ZKSCAN5: variants seen among roughly 807,000 people sequenced by gnomAD.
ZKSCAN5 encodes the protein zinc finger with KRAB and SCAN domains 5, also known as zinc finger protein with KRAB and SCAN domains 5.
In ZKSCAN5, 28 loss-of-function variants were observed where a neutral mutation model predicts 60.0. That is an observed-to-expected ratio of 0.47 (90% CI 0.35 to 0.64). The LOEUF (loss-of-function observed/expected upper bound fraction) is 0.64, where lower values mean the gene tolerates loss of function less well. Among genes scored for constraint, ZKSCAN5 ranks in the 30% least tolerant of loss-of-function variants. The pLI is 0.01. For missense variants in ZKSCAN5, 881 were observed against 1,034.6 expected, an observed-to-expected ratio of 0.85 and a Z score of 2.04; for synonymous variants, 361 against 371.2, an observed-to-expected ratio of 0.97 and a Z score of 0.31.
chr7:99,520,731 A>G (rs1801499203), intron 5 of ZKSCAN5, among the ~76,000 whole-genome samples: 1 of 152,014 alleles, frequency 6.6e-6, no homozygotes, highest in South Asian at 2.1e-4. Flanking sequence ...CAGGTGTGGT[A>G]GCTCATGCCT....
chr7:99,523,823 TAAATTA>T lies in ZKSCAN5; in HGVS notation c.773-1978_773-1973del, dbSNP rs1383231200. ...AAGGTAAGTAAAAGTAGCTATATGG[TAAATTA>T]AAATTAAAATTGTCTTCATAGTTTA... is the stretch of plus-strand genomic sequence containing the variant. On this transcript the variant is annotated intron_variant, in intron 5 of 6. Coordinates refer to ENST00000326775, the MANE Select transcript of ZKSCAN5 (RefSeq NM_145102.4). 5.3e-5 allele frequency among the ~76,000 whole-genome samples: 8 copies of T among 152,268 alleles called. No individual in the cohort carries two copies. In the South Asian group the frequency reaches 1.0e-3, roughly 20 times the overall value.
intron 6 of ZKSCAN5, among the ~76,000 whole-genome samples, chr7:99,527,168 A>G (rs527498843): frequency 6.6e-6 from 1 of 152,236 alleles, no homozygotes; most frequent in Admixed American, 6.6e-5. Context: ...TGTCTCTACA[A>G]AAAAATTTAA....
Position 99,531,841 on chromosome 7 carries a change from G to T in ZKSCAN5, c.2112G>T (p.Val704=), listed in dbSNP as rs1802062076. ...CEEAYSWNLT[V]IEDKKIELQE... is the part of the protein sequence containing the mutation. ...AAGCATATAGTTGGAACTTGACAGT[G>T]ATTGAAGACAAGAAGATTGAGTTAC... Residue 704 remains valine, a synonymous_variant, in exon 7 of 7, where the codon GTG becomes GTT. Transcript: ENST00000326775. 4 of 1,614,202 alleles carry T rather than the reference G, an allele frequency of 2.5e-6. No individual in the cohort carries two copies. Among genetic ancestry groups the T allele is most frequent in the Non-Finnish European group, 3.4e-6 (4 of 1,180,050 alleles).
In ZKSCAN5 at chr7:99,531,252, G is replaced by T; in HGVS notation, c.1523G>T (p.Gly508Val). 2 of 1,614,122 alleles carry T rather than the reference G, an allele frequency of 1.2e-6. No individual in the cohort carries two copies. The highest frequency in any genetic ancestry group is 1.7e-6 in the Non-Finnish European group (2 of 1,180,028). The stretch of plus-strand genomic sequence containing the variant: ...TTTGGAGAAGGCTGTGAGTTTCAAG[G>T]CAAGCTGGATAGAAAGCAGGGAATT... ...QDFGEGCEFQ[G>V]KLDRKQGIPM... is the part of the protein sequence containing the mutation. Residue 508 changes from glycine to valine, a missense_variant, in exon 7 of 7, where the codon GGC (glycine) becomes GTC (valine). Transcript: ENST00000326775.
At chr7:99,526,649 G>T (rs138153449) in intron 6 of ZKSCAN5, among the ~76,000 whole-genome samples, 1 of 152,150 alleles carries the variant, frequency 6.6e-6, no homozygotes, top group Non-Finnish European at 1.5e-5. Context: ...CTGCCTCCCC[G>T]GTTCAAGCGA....
At chr7:99,529,916 A>C (rs1801965249) in intron 6 of ZKSCAN5, among the ~76,000 whole-genome samples, 1 of 151,380 alleles carries the variant, frequency 6.6e-6, no homozygotes, top group South Asian at 2.1e-4. Flanking sequence ...TTGTATTTTT[A>C]GTAGAGATGG....
chr7:99,518,302 TC>T (rs1801357714), intron 3 of ZKSCAN5, among the ~76,000 whole-genome samples: 1 of 151,776 alleles, frequency 6.6e-6, no homozygotes, highest in South Asian at 2.1e-4. Flanking sequence ...ACACCTGTAA[TC>T]CTAGCTACTC....
chr7:99,528,723 C>T (rs187911759), intron 6 of ZKSCAN5, among the ~76,000 whole-genome samples: 86 of 152,250 alleles, frequency 5.6e-4, no homozygotes, highest in Non-Finnish European at 1.0e-3. Flanking sequence ...CCACCATGCC[C>T]GGTCCTCCCT....
At position 99,531,413 on chromosome 7, in the gene ZKSCAN5, G is replaced by A. The variant is rs777198630; in HGVS notation, c.1684G>A (p.Ala562Thr). Residue 562 changes from alanine to threonine, a missense_variant, in exon 7 of 7, where the codon GCA becomes ACA. Physicochemically the swap from Ala to Thr is moderately conservative, Grantham distance 58 (BLOSUM62 0). Coordinates refer to ENST00000326775, the MANE Select transcript of ZKSCAN5 (RefSeq NM_145102.4). ...GTGTGGGAAAAGCTTCATTCAGAGT[G>A]CACATCTTATTCAACATCAAAGAAT... The part of the protein sequence containing the change: ...NECGKSFIQS[A>T]HLIQHQRIHT... The A allele has an allele frequency of 5.6e-6, 9 of 1,614,192 alleles. No homozygotes were observed. The highest frequency in any genetic ancestry group is 7.6e-6 in the Non-Finnish European group (9 of 1,180,030).
chr7:99,522,256 G>A (rs990775372), intron 5 of ZKSCAN5, among the ~76,000 whole-genome samples: 1 of 152,176 alleles, frequency 6.6e-6, no homozygotes, highest in Non-Finnish European at 1.5e-5. Flanking sequence ...AGATTTGGAA[G>A]TGAGATTTTT....
intron 6 of ZKSCAN5, among the ~76,000 whole-genome samples, chr7:99,527,221 C>G (rs1488818153): frequency 6.6e-6 from 1 of 152,090 alleles, no homozygotes; most frequent in Non-Finnish European, 1.5e-5. Context: ...GTTGCAGCTC[C>G]TCGGAAGGCT....
intron 6 of ZKSCAN5, among the ~76,000 whole-genome samples, chr7:99,530,331 G>C (rs1294317277): frequency 6.6e-6 from 1 of 152,060 alleles, no homozygotes; most frequent in Non-Finnish European, 1.5e-5. Flanking sequence ...CACCACGCCC[G>C]GCCTTTTGAC....
intron 2 of ZKSCAN5, among the ~76,000 whole-genome samples, chr7:99,507,535 ATATATATG>A (rs1253747661): frequency 3.5e-5 from 5 of 143,444 alleles, no homozygotes; most frequent in Admixed American, 1.4e-4. Context: ...ATATGTGTAT[ATATATATG>A]TATATATATG....
In ZKSCAN5 at chr7:99,531,214, T is replaced by C. The variant is rs757740886; in HGVS notation, c.1485T>C (p.Ser495=). ...ELSGKTQRNV[S]QVQDFGEGCE... ...CTGGAAAAACCCAAAGAAATGTTTCTCAAGTTCAAGATTTTGGAGAAGGCT... is the reference window on the plus strand; with the variant it reads ...CTGGAAAAACCCAAAGAAATGTTTCCCAAGTTCAAGATTTTGGAGAAGGCT... The change falls in exon 7 of 7, where the codon TCT becomes TCC. Residue 495 remains serine, a synonymous_variant. Coordinates refer to ENST00000326775, the MANE Select transcript of ZKSCAN5 (RefSeq NM_145102.4). 1.2e-6 allele frequency: 2 copies of C among 1,614,116 alleles called. No individual in the cohort carries two copies. The highest frequency in any genetic ancestry group is 1.7e-5 in the Admixed American group (1 of 60,000).
intron 3 of ZKSCAN5, among the ~76,000 whole-genome samples, chr7:99,514,057 G>T (rs1343680041): frequency 6.6e-6 from 1 of 151,988 alleles, no homozygotes; most frequent in African/African-American, 2.4e-5. Context: ...AAAAAGAAAA[G>T]AATACTGTCA....
In ZKSCAN5 at chr7:99,512,434, T is replaced by C; in HGVS notation, c.415-19T>C. 1.9e-6 allele frequency: 3 copies of C among 1,611,710 alleles called. No individual in the cohort carries two copies. The highest frequency in any genetic ancestry group is 2.5e-6 in the Non-Finnish European group (3 of 1,178,716). ...CCTTCTCTGTAACTGTACTGATCGG[T>C]TTTGGTTGTGGTTGTTAGATTGTTG... On this transcript the variant is annotated intron_variant, in intron 2 of 6. Transcript: ENST00000326775.
In ZKSCAN5 at chr7:99,531,110, A is replaced by T. The variant is rs779269787; in HGVS notation, c.1381A>T (p.Ser461Cys). ...RHFREKSQRC[S>C]DKRSKNTKLS... The stretch of plus-strand genomic sequence containing the variant: ...CACTTGCTCTTTATTTTTTTTAGGC[A>T]GTGACAAAAGAAGTAAGAACACAAA... Residue 461 changes from serine (S) to cysteine (C), a missense_variant and splice_region_variant, in exon 7 of 7, where the codon AGT (serine) becomes TGT (cysteine). Physicochemically the swap from Ser to Cys is moderately radical, Grantham distance 112. Transcript: ENST00000326775. The T allele has an allele frequency of 1.7e-5, 26 of 1,571,362 alleles. No individual in the cohort carries two copies. Among genetic ancestry groups the T allele is most frequent in the Non-Finnish European group, 1.0e-5 (12 of 1,165,258 alleles).
rs1055168736 is a variant in ZKSCAN5 at position 99,525,703 on chromosome 7, AC to A, written c.773-109del. On this transcript the variant is annotated intron_variant, in intron 5 of 6. Coordinates refer to ENST00000326775, the MANE Select transcript of ZKSCAN5 (RefSeq NM_145102.4). Reference sequence around the variant, plus strand: ...ATCCCTGTACTGTAAAAGTCCCTTTACAGAATCATGGATCCCTAGCACATGT... The same window carrying A: ...ATCCCTGTACTGTAAAAGTCCCTTTAAGAATCATGGATCCCTAGCACATGT... 48 of 1,415,706 alleles carry A rather than the reference AC, an allele frequency of 3.4e-5. No individual in the cohort carries two copies. In the East Asian group the frequency reaches 1.1e-3, roughly 31 times the overall value. 87.7% of individuals were successfully genotyped at this position (1,415,706 alleles called of 1,614,324 possible).
Position 99,506,453 on chromosome 7 carries a change from C to G in ZKSCAN5, c.409C>G (p.Gln137Glu). 1 of 1,608,500 alleles carries G rather than the reference C, an allele frequency of 6.2e-7. No individual in the cohort carries two copies. Among genetic ancestry groups the G allele is most frequent in the Non-Finnish European group, 8.5e-7 (1 of 1,176,256 alleles). The part of the protein sequence containing the change: ...NIQRELEERR[Q>E]QIVACPDVLP... ...ACAGCGAGAACTTGAGGAACGCAGACAGCAGGTGAGTCAAAGAGAAGCTAT... is the reference window on the plus strand; with the variant it reads ...ACAGCGAGAACTTGAGGAACGCAGAGAGCAGGTGAGTCAAAGAGAAGCTAT... Residue 137 changes from glutamine (Q) to glutamate (E), a missense_variant, in exon 2 of 7, where the codon CAG (glutamine) becomes GAG (glutamate). Gln to Glu is a conservative substitution (Grantham distance 29, BLOSUM62 2). Transcript: ENST00000326775.
Sources: gnomAD v4.1 joint callset for allele counts (sites outside exome capture counted in the v4.1 genomes callset) on GRCh38, gnomAD v4.1.1 for gene constraint, MANE v1.5 for transcripts, NCBI Gene and HGNC (gene_info 2026-07-23, HGNC 2026-07-21) for gene names.